ANKRD37: variants seen among roughly 807,000 people sequenced by gnomAD.
ANKRD37 encodes the protein ankyrin repeat domain-containing protein 37.
Under a neutral mutation model 19.7 loss-of-function variants are expected in ANKRD37, and 17 were observed. That is an observed-to-expected ratio of 0.86 (90% CI 0.59 to 1.29). The LOEUF (loss-of-function observed/expected upper bound fraction) is 1.29. Among genes scored for constraint, ANKRD37 ranks in the 50% most tolerant of loss-of-function variants. The pLI is 0.00. For missense variants in ANKRD37, 207 were observed against 190.4 expected (o/e 1.09, Z -0.51); for synonymous variants, 79 against 74.5 (o/e 1.06, Z -0.31).
intron 2 of ANKRD37, 29 bp downstream of exon 2, chr4:185,397,331 C>T (rs1208521820): frequency 7.5e-6 from 12 of 1,607,358 alleles, no homozygotes; most frequent in Non-Finnish European, 1.0e-5. Context: ...CTGTGTACAG[C>T]CGTCCCCTCC....
At chr4:185,399,947 A>G (rs2095511213) in intron 4 of ANKRD37, 70 bp from the exon 5 acceptor site, 2 of 1,572,958 alleles carry the variant, frequency 1.3e-6, no homozygotes, top group African/African-American at 1.4e-5. Context: ...ATGGGACTGC[A>G]TGGTGGAAGT....
At chr4:185,400,523 A>AGAT, downstream of ANKRD37, 2 of 1,443,464 alleles carry the variant, frequency 1.4e-6, no homozygotes, top group Non-Finnish European at 1.9e-6. Flanking sequence ...CAAAGTTACA[A>AGAT]GATTATGTCA....
In ANKRD37 at chr4:185,399,045, T is replaced by C. The variant is rs1256519279; in HGVS notation, c.272+17T>C. On this transcript the variant is annotated intron_variant, in intron 3 of 4. Transcript: ENST00000335174. ...CCAAATTGAGTGAGTATGAAAACAG[T>C]GGCTTCACATTTTATGTTTTCTTGG... The C allele has an allele frequency of 4.4e-6, 7 of 1,604,060 alleles. No individual in the cohort carries two copies. The highest frequency in any genetic ancestry group is 4.3e-6 in the Non-Finnish European group (5 of 1,171,164).
In ANKRD37 at chr4:185,399,711, C is replaced by A; in HGVS notation, c.414C>A (p.Ala138=). The change falls in exon 4 of 5, where the codon GCC becomes GCA. Residue 138 remains alanine (A), a synonymous_variant. Coordinates refer to ENST00000335174, the MANE Select transcript of ANKRD37 (RefSeq NM_181726.4). ...ACCCTGACAGGAATGATTGTGTTGC[C>A]GTGCTCAGACAGAAACGGAGTCTCG... The part of the protein sequence containing the change: ...SEHPDRNDCV[A]VLRQKRSLGS... The A allele has an allele frequency of 1.2e-6, 2 of 1,614,064 alleles. No homozygotes were observed. Among genetic ancestry groups the A allele is most frequent in the South Asian group, 2.2e-5 (2 of 91,060 alleles).
In ANKRD37 at chr4:185,396,873, T is replaced by A. The variant is rs763359900; in HGVS notation, c.-51T>A. The stretch of plus-strand genomic sequence containing the variant: ...CTTACCTGTCGGGGTGCGGCGAGTG[T>A]CTCACCTCTCTGCACTTCCAAGGAC... On this transcript the variant is annotated 5_prime_UTR_variant, in exon 1 of 5. Coordinates refer to ENST00000335174, the MANE Select transcript of ANKRD37 (RefSeq NM_181726.4). 2.5e-6 allele frequency: 4 copies of A among 1,602,454 alleles called. No homozygotes were observed. The highest frequency in any genetic ancestry group is 3.4e-6 in the Non-Finnish European group (4 of 1,172,262).
At position 185,400,231 on chromosome 4, in the gene ANKRD37, C is replaced by G; in HGVS notation, c.*214C>G. On this transcript the variant is annotated 3_prime_UTR_variant, in exon 5 of 5. Coordinates refer to ENST00000335174, the MANE Select transcript of ANKRD37 (RefSeq NM_181726.4). ...TTTGTCTTTTAAGTTATTAAAGGAA[C>G]GTCTAAAAAATACATTCTCCGTGCA... 1 of 714,056 alleles carries G rather than the reference C, an allele frequency of 1.4e-6. No individual in the cohort carries two copies. The highest frequency in any genetic ancestry group is 2.7e-5 in the East Asian group (1 of 36,372). 44.2% of individuals were successfully genotyped at this position (714,056 alleles called of 1,614,324 possible).
intron 2 of ANKRD37, chr4:185,397,582 T>C (rs956162955): frequency 1.0e-5 from 4 of 393,488 alleles, no homozygotes; most frequent in East Asian, 5.3e-5. Flanking sequence ...CAGTTCAATA[T>C]GTAATCAAAG....
chr4:185,400,600 C>A, downstream of ANKRD37: 1 of 594,338 alleles, frequency 1.7e-6, no homozygotes, highest in Non-Finnish European at 2.9e-6. Context: ...CTTTATCATT[C>A]AAGGATTTGA....
intron 2 of ANKRD37, among the ~76,000 whole-genome samples, chr4:185,398,112 C>G (rs1297004984): frequency 6.6e-6 from 1 of 152,138 alleles, no homozygotes; most frequent in African/African-American, 2.4e-5. Flanking sequence ...CACGCGCCAC[C>G]GTGCCCGGCT....
At chr4:185,396,990 A>C in intron 1 of ANKRD37, 40 bp downstream of exon 1, 1 of 1,612,730 alleles carries the variant, frequency 6.2e-7, no homozygotes. Context: ...TTTGTCCTGC[A>C]GGCTCAAGCT....
downstream of ANKRD37, chr4:185,400,257 G>A (rs1487122586): frequency 2.6e-6 from 2 of 780,686 alleles, no homozygotes; most frequent in East Asian, 5.3e-5. Flanking sequence ...TCTCCGTGCA[G>A]TATTTACAAC....
intron 2 of ANKRD37, among the ~76,000 whole-genome samples, chr4:185,398,280 G>A (rs1052617986): frequency 3.3e-5 from 5 of 152,062 alleles, no homozygotes; most frequent in East Asian, 1.9e-4. Context: ...TAATGAAAAC[G>A]GTATGAAAAA....
Position 185,396,886 on chromosome 4 carries a change from C to T in ANKRD37, c.-38C>T, listed in dbSNP as rs372155536. Reference sequence around the variant, plus strand: ...GTGCGGCGAGTGTCTCACCTCTCTGCACTTCCAAGGACTCTTGTCATCTGC... The same window carrying T: ...GTGCGGCGAGTGTCTCACCTCTCTGTACTTCCAAGGACTCTTGTCATCTGC... On this transcript the variant is annotated 5_prime_UTR_variant, in exon 1 of 5. Transcript: ENST00000335174. 1 of 1,611,092 alleles carries T rather than the reference C, an allele frequency of 6.2e-7. No homozygotes were observed. The highest frequency in any genetic ancestry group is 1.3e-5 in the African/African-American group (1 of 75,036).
At position 185,397,406 on chromosome 4, in the gene ANKRD37, A is replaced by G. The variant is rs545347130; in HGVS notation, c.180+104A>G. 50 of 1,386,976 alleles carry G rather than the reference A, an allele frequency of 3.6e-5. No homozygotes were observed. The Admixed American group carries it at 6.0e-4, about 17-fold the overall frequency. 85.9% of individuals were successfully genotyped at this position (1,386,976 alleles called of 1,614,324 possible). A position where few individuals can be genotyped will look rare whatever the true frequency, so the allele number is the denominator to read the frequency against. On this transcript the variant is annotated intron_variant, in intron 2 of 4. Transcript: ENST00000335174. The stretch of plus-strand genomic sequence containing the variant: ...TGTTTCAGCTGTTAAAAACATGTCT[A>G]TAGCAGCGATGTCCAACAGAAATAT...
At position 185,398,686 on chromosome 4, in the gene ANKRD37, A is replaced by G. The variant is rs142657664; in HGVS notation, c.181-251A>G. ...ATGTATCAAAAACACATGACTTCTT[A>G]GTCTTAAAAGTGACTAAGACTTCTT... is the stretch of plus-strand genomic sequence containing the variant. On this transcript the variant is annotated intron_variant, in intron 2 of 4. Coordinates refer to ENST00000335174, the MANE Select transcript of ANKRD37 (RefSeq NM_181726.4). Among the ~76,000 whole-genome samples, 854 of 152,092 alleles carry G rather than the reference A, an allele frequency of 5.6e-3. 7 individuals carry two copies. Among genetic ancestry groups the G allele is most frequent in the African/African-American group, 0.019 (797 of 41,492 alleles).
In ANKRD37 at chr4:185,398,859, G is replaced by C. The variant is rs988227646; in HGVS notation, c.181-78G>C. 8.5e-6 allele frequency: 9 copies of C among 1,057,306 alleles called. No individual in the cohort carries two copies. The African/African-American group carries it at 1.4e-4, about 17-fold the overall frequency. 65.5% of individuals were successfully genotyped at this position (1,057,306 alleles called of 1,614,324 possible). On this transcript the variant is annotated intron_variant, in intron 2 of 4. Transcript: ENST00000335174. ...CAGTTCTAACTAGCTTCCTTAAATA[G>C]CTAATATTAAATGTCACTCATCAAC...
chr4:185,398,349 C>A (rs1314489331), intron 2 of ANKRD37, among the ~76,000 whole-genome samples: 1 of 151,996 alleles, frequency 6.6e-6, no homozygotes, highest in African/African-American at 2.4e-5. Flanking sequence ...AGGAAAAAAA[C>A]AAAAATAAAA....
At position 185,397,240 on chromosome 4, in the gene ANKRD37, G is replaced by A. The variant is rs148632709; in HGVS notation, c.118G>A (p.Gly40Arg). ...CKQSPVHLAAGSGLACFLLWQ... is the reference protein window; with the variant it reads ...CKQSPVHLAARSGLACFLLWQ... ...GCAGTCGCCTGTCCACTTAGCCGCA[G>A]GAAGCGGCCTTGCTTGCTTTCTTCT... is the stretch of plus-strand genomic sequence containing the variant. The change falls in exon 2 of 5, where the codon GGA (glycine) becomes AGA (arginine). Residue 40 changes from glycine (G) to arginine (R), a missense_variant. Transcript: ENST00000335174. 75 of 1,614,156 alleles carry A rather than the reference G, an allele frequency of 4.6e-5. 1 individual carries two copies. In the African/African-American group the frequency reaches 9.7e-4, roughly 21 times the overall value.
chr4:185,399,976 T>C, intron 4 of ANKRD37, 41 bp from the exon 5 acceptor site: 1 of 1,595,246 alleles, frequency 6.3e-7, no homozygotes. Flanking sequence ...AAAACTCTTT[T>C]TAAAAAAAAG....
Sources: gnomAD v4.1 joint callset for allele counts (sites outside exome capture counted in the v4.1 genomes callset) on GRCh38, gnomAD v4.1.1 for gene constraint, MANE v1.5 for transcripts, NCBI Gene and HGNC (gene_info 2026-07-23, HGNC 2026-07-21) for gene names.